ENAH: variants seen among roughly 807,000 people sequenced by gnomAD.
ENAH encodes the protein protein enabled homolog.
Under a neutral mutation model 78.7 loss-of-function variants are expected in ENAH, and 23 were observed. The observed-to-expected ratio is 0.29, with a 90% CI of 0.21 to 0.41. The LOEUF (loss-of-function observed/expected upper bound fraction) is 0.41, where lower values mean the gene tolerates loss of function less well. Among genes scored for constraint, ENAH ranks in the 10% least tolerant of loss-of-function variants. The probability of loss-of-function intolerance (pLI) is 1.00; values close to 1 mark genes in which losing one functional copy is unlikely to be tolerated. For missense variants in ENAH, 544 were observed against 691.0 expected, an observed-to-expected ratio of 0.79 and a Z score of 2.39; for synonymous variants, 226 against 241.0, an observed-to-expected ratio of 0.94 and a Z score of 0.58.
At chr1:225,608,220 G>GAAAAAAAAAAAAAAAAAAAGA (rs60998592) in intron 1 of ENAH, among the ~76,000 whole-genome samples, 4 of 91,288 alleles carry the variant, frequency 4.4e-5, no homozygotes, top group Non-Finnish European at 6.5e-5. Flanking sequence ...ATAAAAAACA[G>GAAAAAAAAAAAAAAAAAAAGA]AAAAAAAAAA....
chr1:225,584,449 A>C (rs2096835395), intron 1 of ENAH, among the ~76,000 whole-genome samples: 4 of 152,222 alleles, frequency 2.6e-5, no homozygotes, highest in Admixed American at 2.6e-4. Context: ...ATAGAATTCT[A>C]AAGGTATTCA....
At chr1:225,559,805 T>C (rs996497307) in intron 2 of ENAH, among the ~76,000 whole-genome samples, 1 of 152,146 alleles carries the variant, frequency 6.6e-6, no homozygotes, top group African/African-American at 2.4e-5. Flanking sequence ...CCACAGCCTG[T>C]TGGCACCAAG....
chr1:225,618,150 A>G (rs1359502020), intron 1 of ENAH, among the ~76,000 whole-genome samples: 4 of 152,198 alleles, frequency 2.6e-5, no homozygotes, highest in African/African-American at 7.2e-5. Context: ...AATCCCAAAC[A>G]GATTGTTCAA....
rs939532516 is a variant in ENAH, at chr1:225,584,428, G to A, written c.6-17014C>T. 2.6e-5 allele frequency among the ~76,000 whole-genome samples: 4 copies of A among 151,966 alleles called. No homozygotes were observed. The East Asian group carries it at 5.8e-4, about 22-fold the overall frequency. On this transcript the variant is annotated intron_variant, in intron 1 of 13. Transcript: ENST00000366843. ...AAGAGGTATAGCAAAAAAGTCAGTA[G>A]AAAAATTAAAATAGAATTCTAAAGG...
At chr1:225,532,311 A>C (rs1262122814) in intron 3 of ENAH, among the ~76,000 whole-genome samples, 1 of 152,094 alleles carries the variant, frequency 6.6e-6, no homozygotes, top group African/African-American at 2.4e-5. Context: ...CAAAGTACTA[A>C]ATGTGAGCAT....
At chr1:225,538,880 G>C (rs17501775) in intron 3 of ENAH, among the ~76,000 whole-genome samples, 6,553 of 152,222 alleles carry the variant, frequency 0.043, 230 homozygotes, top group South Asian at 0.11. Context: ...ATTTACCAAT[G>C]CTGTCATACC....
At chr1:225,615,425 T>A (rs370326896) in intron 1 of ENAH, among the ~76,000 whole-genome samples, 6 of 152,242 alleles carry the variant, frequency 3.9e-5, no homozygotes, top group South Asian at 2.1e-4. Flanking sequence ...TGCCTTGGCC[T>A]CCCAAAGTGC....
intron 12 of ENAH, among the ~76,000 whole-genome samples, chr1:225,499,274 A>AAAAT (rs986252226): frequency 3.9e-5 from 6 of 152,106 alleles, no homozygotes; most frequent in African/African-American, 1.2e-4. Context: ...TCTCAAAAAA[A>AAAAT]AAATAAATAA....
intron 1 of ENAH, among the ~76,000 whole-genome samples, chr1:225,614,947 T>C (rs549603195): frequency 6.6e-6 from 1 of 152,260 alleles, no homozygotes; most frequent in South Asian, 2.1e-4. Context: ...CCCTTCTCCA[T>C]ACACAAATCC....
At chr1:225,651,752 A>G (rs1663051995) in intron 1 of ENAH, among the ~76,000 whole-genome samples, 1 of 152,214 alleles carries the variant, frequency 6.6e-6, no homozygotes, top group Non-Finnish European at 1.5e-5. Context: ...ATCCGAAAAG[A>G]GAAGGTTATG....
At chr1:225,511,303 G>C (rs766133809) in intron 10 of ENAH, among the ~76,000 whole-genome samples, 1 of 152,150 alleles carries the variant, frequency 6.6e-6, no homozygotes, top group Non-Finnish European at 1.5e-5. Flanking sequence ...AGTACTTCTA[G>C]TGAAATATAC....
intron 1 of ENAH, among the ~76,000 whole-genome samples, chr1:225,600,543 G>A (rs1287122607): frequency 1.3e-5 from 2 of 152,110 alleles, no homozygotes; most frequent in Non-Finnish European, 2.9e-5. Context: ...TAAAAGCAAC[G>A]ACCTAAGTGA....
At chr1:225,616,516 C>T (rs2148200163) in intron 1 of ENAH, among the ~76,000 whole-genome samples, 1 of 152,076 alleles carries the variant, frequency 6.6e-6, no homozygotes, top group African/African-American at 2.4e-5. Flanking sequence ...ACTACAACTA[C>T]TCTATGTTGA....
At chr1:225,556,811 T>TAC (rs889938030) in intron 2 of ENAH, among the ~76,000 whole-genome samples, 23 of 152,202 alleles carry the variant, frequency 1.5e-4, no homozygotes, top group African/African-American at 5.5e-4. Flanking sequence ...TTTATTATTT[T>TAC]ACCTTTCATA....
At chr1:225,512,313 C>T (rs2096383557) in intron 9 of ENAH, among the ~76,000 whole-genome samples, 1 of 152,132 alleles carries the variant, frequency 6.6e-6, no homozygotes, top group South Asian at 2.1e-4. Context: ...TGAATTTAGG[C>T]GAATTCCTTC....
rs953136509 is a variant in ENAH at position 225,499,267 on chromosome 1, C to CA, written c.1618-864dup. On this transcript the variant is annotated intron_variant, in intron 12 of 13. Coordinates refer to ENST00000366843, the MANE Select transcript of ENAH (RefSeq NM_018212.6). ...TCGGCGACAAAGCGAGACTCTGTCTCAAAAAAAAAATAAATAAATAAATAA... is the reference window on the plus strand; with the variant it reads ...TCGGCGACAAAGCGAGACTCTGTCTCAAAAAAAAAAATAAATAAATAAATAA... Among the ~76,000 whole-genome samples, 126 of 144,868 alleles carry CA rather than the reference C, an allele frequency of 8.7e-4. 1 individual carries two copies. Among genetic ancestry groups the CA allele is most frequent in the African/African-American group, 1.5e-3 (59 of 39,310 alleles).
chr1:225,524,535 A>C (rs2096490978), intron 4 of ENAH: 1 of 876,052 alleles, frequency 1.1e-6, no homozygotes, highest in East Asian at 1.2e-4. Flanking sequence ...AAAAATGGAT[A>C]AAATGTAATA....
At chr1:225,510,697 C>CT (rs1344035333) in intron 10 of ENAH, among the ~76,000 whole-genome samples, 6 of 104,082 alleles carry the variant, frequency 5.8e-5, no homozygotes, top group Admixed American at 3.1e-4. Flanking sequence ...TTCAGAGGTA[C>CT]TTAAAAAAAA....
chr1:225,570,245 C>A (rs1410513185), intron 1 of ENAH, among the ~76,000 whole-genome samples: 1 of 152,008 alleles, frequency 6.6e-6, no homozygotes, highest in Admixed American at 6.6e-5. Context: ...GATGGCACTG[C>A]CTGCTAGGGT....
Sources: gnomAD v4.1 joint callset for allele counts (sites outside exome capture counted in the v4.1 genomes callset) on GRCh38, gnomAD v4.1.1 for gene constraint, MANE v1.5 for transcripts, NCBI Gene and HGNC (gene_info 2026-07-23, HGNC 2026-07-21) for gene names.